Variants in KCNMB2 observed in about 807,000 individuals in gnomAD.
KCNMB2 encodes the protein calcium-activated potassium channel subunit beta-2.
Under a neutral mutation model 24.5 loss-of-function variants are expected in KCNMB2, and 9 were observed. The ratio of observed to expected loss-of-function variants is 0.37; its 90% CI spans 0.22 to 0.64. The LOEUF is 0.64. Ranked by LOEUF, KCNMB2 falls within the 30% of genes least tolerant of loss-of-function variation. KCNMB2 has a pLI of 0.63. For missense variants in KCNMB2, 226 were observed against 284.3 expected (o/e 0.79, Z 1.47); for synonymous variants, 109 against 104.4 (o/e 1.04, Z -0.27).
chr3:178,843,353 T>G lies in KCNMB2; in HGVS notation c.*416T>G, dbSNP rs972356448. ...TACTAAAGCTACAGCCAAAAATATT[T>G]TTTTTTCTTATTCTAAACTGAGCCC... On this transcript the variant is annotated 3_prime_UTR_variant, in exon 5 of 5. Coordinates refer to ENST00000452583, the MANE Select transcript of KCNMB2 (RefSeq NM_181361.3). 2.8e-6 allele frequency: 1 copy of G among 354,540 alleles called. No individual in the cohort carries two copies. Among genetic ancestry groups the G allele is most frequent in the Admixed American group, 3.9e-5 (1 of 25,738 alleles). 22.0% of individuals were successfully genotyped at this position (354,540 alleles called of 1,614,324 possible). A position where few individuals can be genotyped will look rare whatever the true frequency, so the allele number is the denominator to read the frequency against.
chr3:178,596,182 C>A (rs1437089171), intron 1 of KCNMB2, among the ~76,000 whole-genome samples: 1 of 152,126 alleles, frequency 6.6e-6, no homozygotes, highest in Non-Finnish European at 1.5e-5. Flanking sequence ...CTTTTGTTAA[C>A]TAAGTTTCTG....
chr3:178,701,410 C>T (rs1251378602), intron 1 of KCNMB2, among the ~76,000 whole-genome samples: 2 of 152,060 alleles, frequency 1.3e-5, no homozygotes, highest in Non-Finnish European at 2.9e-5. Context: ...AGCTTTGTTC[C>T]TTTGGCTTAG....
At position 178,825,747 on chromosome 3, in the gene KCNMB2, A is replaced by C. The variant is rs150295873; in HGVS notation, c.216A>C (p.Ser72=). The part of the protein sequence containing the change: ...YFLLGITLLR[S]YMQSVWTEES... Reference sequence around the variant, plus strand: ...TGCTGGGAATCACACTCCTGCGCTCATACATGCAGAGGTAATACCACTGGG... The same window carrying C: ...TGCTGGGAATCACACTCCTGCGCTCCTACATGCAGAGGTAATACCACTGGG... Residue 72 remains serine, a synonymous_variant, in exon 3 of 5, where the codon TCA becomes TCC. Coordinates refer to ENST00000452583, the MANE Select transcript of KCNMB2 (RefSeq NM_181361.3). 6.2e-7 allele frequency: 1 copy of C among 1,611,716 alleles called. No homozygotes were observed. Among genetic ancestry groups the C allele is most frequent in the Admixed American group, 1.7e-5 (1 of 59,956 alleles).
At chr3:178,589,970 G>A (rs567926936) in intron 1 of KCNMB2, among the ~76,000 whole-genome samples, 10 of 152,232 alleles carry the variant, frequency 6.6e-5, no homozygotes, top group Non-Finnish European at 1.0e-4. Context: ...CCTGAGCTGG[G>A]AATTTTCTTT....
Position 178,843,544 on chromosome 3 carries a change from G to T in KCNMB2, c.*607G>T. ...TGTAAAACTAATTTCCAAAATATAA[G>T]CTGTTTTCATTAGCCAGTTCTATAA... On this transcript the variant is annotated 3_prime_UTR_variant, in exon 5 of 5. Coordinates refer to ENST00000452583, the MANE Select transcript of KCNMB2 (RefSeq NM_181361.3). 5.4e-6 allele frequency: 1 copy of T among 183,806 alleles called. No individual in the cohort carries two copies. 11.4% of individuals were successfully genotyped at this position (183,806 alleles called of 1,614,324 possible). A position where few individuals can be genotyped will look rare whatever the true frequency, so the allele number is the denominator to read the frequency against.
intron 1 of KCNMB2, among the ~76,000 whole-genome samples, chr3:178,666,247 G>A (rs1720714539): frequency 6.6e-6 from 1 of 152,170 alleles, no homozygotes; most frequent in Non-Finnish European, 1.5e-5. Context: ...GGTCATGAAA[G>A]AGATAGATGA....
rs775862765 is a variant in KCNMB2, at chr3:178,759,316, GATATAT to G, written c.-67-48014_-67-48009del. Among the ~76,000 whole-genome samples the G allele has an allele frequency of 9.5e-4, 55 of 57,874 alleles. 2 individuals are homozygous for G. The highest frequency in any genetic ancestry group is 3.1e-3 in the African/African-American group (47 of 15,044). The allele number at this position is 57,874 out of a possible 152,430, so 38.0% of individuals were successfully genotyped here. ...GGAGACATATATATATCTCCAAGAGGATATATATATATATATATCTCCAAGAGGATA... is the reference window on the plus strand; with the variant it reads ...GGAGACATATATATATCTCCAAGAGGATATATATATATCTCCAAGAGGATA... On this transcript the variant is annotated intron_variant, in intron 1 of 4. Transcript: ENST00000452583.
intron 1 of KCNMB2, among the ~76,000 whole-genome samples, chr3:178,638,748 T>A (rs1719618366): frequency 6.6e-6 from 1 of 152,194 alleles, no homozygotes; most frequent in Admixed American, 6.5e-5. Flanking sequence ...AAGTATTTTC[T>A]TAGATAGTAG....
intron 1 of KCNMB2, among the ~76,000 whole-genome samples, chr3:178,667,964 T>G (rs4129413): frequency 6.6e-6 from 1 of 151,980 alleles, no homozygotes; most frequent in Non-Finnish European, 1.5e-5. Flanking sequence ...CTTGCCCCCA[T>G]GAGTTTTTAA....
intron 4 of KCNMB2, among the ~76,000 whole-genome samples, chr3:178,838,332 C>T (rs940055568): frequency 7.2e-5 from 11 of 152,118 alleles, no homozygotes; most frequent in Non-Finnish European, 1.2e-4. Context: ...TTGGTGATAA[C>T]TTTCACCCCC....
intron 1 of KCNMB2, among the ~76,000 whole-genome samples, chr3:178,637,037 C>CTT (rs139630807): frequency 5.9e-4 from 90 of 151,856 alleles, no homozygotes; most frequent in African/African-American, 9.9e-4. Flanking sequence ...TGCTCTCATT[C>CTT]TTTTTTTTGT....
chr3:178,813,341 A>T (rs902511255), intron 2 of KCNMB2, among the ~76,000 whole-genome samples: 1 of 152,106 alleles, frequency 6.6e-6, no homozygotes, highest in Non-Finnish European at 1.5e-5. Flanking sequence ...TCATGATATC[A>T]TTTTGCAATT....
chr3:178,688,189 T>C (rs1225025774), intron 1 of KCNMB2, among the ~76,000 whole-genome samples: 2 of 152,184 alleles, frequency 1.3e-5, no homozygotes, highest in Admixed American at 6.5e-5. Flanking sequence ...TTCTGAGTGC[T>C]CAGGTGAAAA....
At chr3:178,800,417 A>T (rs1286359918) in intron 1 of KCNMB2, among the ~76,000 whole-genome samples, 1 of 152,192 alleles carries the variant, frequency 6.6e-6, no homozygotes, top group African/African-American at 2.4e-5. Flanking sequence ...AAACAAGTAT[A>T]TGAAAAGGTG....
intron 4 of KCNMB2, 73 bp downstream of exon 4, chr3:178,828,446 C>A: frequency 8.8e-7 from 1 of 1,131,876 alleles, no homozygotes; most frequent in Non-Finnish European, 1.3e-6. Context: ...CTGAAGTTCC[C>A]CTTTGCCAGC....
At chr3:178,776,637 T>C (rs1053832976) in intron 1 of KCNMB2, among the ~76,000 whole-genome samples, 52 of 152,280 alleles carry the variant, frequency 3.4e-4, no homozygotes, top group African/African-American at 1.2e-3. Flanking sequence ...AGGTGGGGAA[T>C]TTCAGAATCT....
At chr3:178,614,956 A>C (rs982348096) in intron 1 of KCNMB2, among the ~76,000 whole-genome samples, 3 of 152,156 alleles carry the variant, frequency 2.0e-5, no homozygotes, top group Non-Finnish European at 4.4e-5. Flanking sequence ...GGGTGTTGTG[A>C]TGTAAGCCAT....
chr3:178,568,330 G>A (rs934915114), intron 1 of KCNMB2, among the ~76,000 whole-genome samples: 11 of 152,160 alleles, frequency 7.2e-5, no homozygotes, highest in African/African-American at 2.7e-4. Context: ...AGCTGGGCCA[G>A]CCACTACACC....
intron 1 of KCNMB2, among the ~76,000 whole-genome samples, chr3:178,674,995 C>G (rs550795707): frequency 6.6e-6 from 1 of 152,226 alleles, no homozygotes; most frequent in African/African-American, 2.4e-5. Context: ...AGCTCCTGCA[C>G]TTCCTATTAT....
Sources: allele counts gnomAD v4.1 joint callset (sites outside exome capture counted in the v4.1 genomes callset), GRCh38; gene constraint gnomAD v4.1.1; transcripts MANE v1.5; gene names NCBI Gene and HGNC (gene_info 2026-07-23, HGNC 2026-07-21).